Variants in HERC1 observed in about 807,000 individuals in gnomAD.
The protein encoded by HERC1 is probable E3 ubiquitin-protein ligase HERC1.
HERC1 carries 160 observed loss-of-function variants against 554.3 expected under a neutral mutation model. The observed-to-expected ratio is 0.29, with a 90% CI of 0.25 to 0.33. The LOEUF is 0.33. Among genes scored for constraint, HERC1 ranks in the 10% least tolerant of loss-of-function variants. HERC1 has a pLI of 1.00. For synonymous variants in HERC1, 2,175 were observed against 2,131.7 expected (o/e 1.02, Z -0.56); for missense variants, 4,919 against 5,918.5 (o/e 0.83, Z 5.54).
chr15:63,620,818 C>A (rs2068043619), intron 74 of HERC1, among the ~76,000 whole-genome samples: 1 of 152,118 alleles, frequency 6.6e-6, no homozygotes, highest in Non-Finnish European at 1.5e-5. Context: ...ATTGCAACCC[C>A]TGCCTTTTTT....
chr15:63,808,566 G>A (rs757705061), intron 1 of HERC1, among the ~76,000 whole-genome samples: 3 of 152,164 alleles, frequency 2.0e-5, no homozygotes, highest in African/African-American at 4.8e-5. Context: ...AATTACAGGC[G>A]TGAGCCACTG....
At chr15:63,790,126 C>T (rs1005439211) in intron 1 of HERC1, among the ~76,000 whole-genome samples, 4 of 152,138 alleles carry the variant, frequency 2.6e-5, no homozygotes, top group Non-Finnish European at 5.9e-5. Flanking sequence ...TCTATCATTG[C>T]CATGAGGGCT....
At chr15:63,690,111 T>C (rs1365187074) in intron 32 of HERC1, among the ~76,000 whole-genome samples, 3 of 143,580 alleles carry the variant, frequency 2.1e-5, no homozygotes, top group Admixed American at 7.4e-5. Flanking sequence ...TGCAGTGAGC[T>C]GAGATCGCGC....
In HERC1 at chr15:63,733,074, A is replaced by G; in HGVS notation, c.2718T>C (p.Ser906=). The change falls in exon 14 of 78, where the codon AGT becomes AGC. Residue 906 remains serine, a synonymous_variant. Transcript: ENST00000443617. Reference sequence around the variant, plus strand: ...ATAGGTCAGCAGCATCAGAGGGTGAACTATAGCCAAGTAGGGAGGCTACGT... The same window carrying G: ...ATAGGTCAGCAGCATCAGAGGGTGAGCTATAGCCAAGTAGGGAGGCTACGT... ...HTHVASLLGY[S]SPSDAADLSS... The G allele has an allele frequency of 6.2e-7, 1 of 1,613,938 alleles. No homozygotes were observed. Among genetic ancestry groups the G allele is most frequent in the South Asian group, 1.1e-5 (1 of 91,086 alleles).
chr15:63,822,048 G>A (rs149645302), intron 1 of HERC1, among the ~76,000 whole-genome samples: 1 of 152,048 alleles, frequency 6.6e-6, no homozygotes, highest in African/African-American at 2.4e-5. Flanking sequence ...CAGGGGTGAA[G>A]TCTGAGGCAC....
chr15:63,614,928 T>C (rs981864671), intron 76 of HERC1, among the ~76,000 whole-genome samples: 7 of 152,210 alleles, frequency 4.6e-5, no homozygotes, highest in Admixed American at 2.0e-4. Flanking sequence ...GTGATATATC[T>C]TGAGGAACTT....
Position 63,628,673 on chromosome 15 carries a change from T to C in HERC1, c.13105+4A>G. 6.2e-7 allele frequency: 1 copy of C among 1,605,730 alleles called. No individual in the cohort carries two copies. The highest frequency in any genetic ancestry group is 2.2e-5 in the East Asian group (1 of 44,784). On this transcript the variant is annotated splice_donor_region_variant and intron_variant, in intron 70 of 77. Coordinates refer to ENST00000443617, the MANE Select transcript of HERC1 (RefSeq NM_003922.4). Reference sequence around the variant, plus strand: ...TGCAGGAGCATGAATATTTCATTCCTCACCTGGTGCTCTTGGTGGGACAGG... The same window carrying C: ...TGCAGGAGCATGAATATTTCATTCCCCACCTGGTGCTCTTGGTGGGACAGG...
chr15:63,665,894 A>T, intron 42 of HERC1, 25 bp downstream of exon 42: 1 of 1,568,912 alleles, frequency 6.4e-7, no homozygotes. Flanking sequence ...CACATGGAAC[A>T]AAAGTACAGA....
intron 1 of HERC1, among the ~76,000 whole-genome samples, chr15:63,818,133 GCT>G (rs1045583536): frequency 9.9e-5 from 15 of 151,756 alleles, no homozygotes; most frequent in Non-Finnish European, 2.2e-4. Context: ...CCAATTTATA[GCT>G]CTCTGTGAAA....
Position 63,787,067 on chromosome 15 carries a change from C to T in HERC1, c.-26-11418G>A, listed in dbSNP as rs541224085. Among the ~76,000 whole-genome samples the T allele has an allele frequency of 2.0e-5, 3 of 152,058 alleles. No individual in the cohort carries two copies. The East Asian group carries it at 5.8e-4, about 29-fold the overall frequency. ...ATGTTGGCCAGGCTGGTCTTGAAGT[C>T]CTGACCTCAAGTGATCTGCCTGCCT... On this transcript the variant is annotated intron_variant, in intron 1 of 77. Coordinates refer to ENST00000443617, the MANE Select transcript of HERC1 (RefSeq NM_003922.4).
At position 63,640,398 on chromosome 15, in the gene HERC1, T is replaced by C. The variant is rs369318344; in HGVS notation, c.11655A>G (p.Gln3885=). 1.1e-5 allele frequency: 18 copies of C among 1,613,728 alleles called. No homozygotes were observed. The African/African-American group carries it at 2.0e-4, about 18-fold the overall frequency. ...GDQLVHSPYM[Q]CLASLAVGLH... Reference sequence around the variant, plus strand: ...GTCCCACAGCAAGGGAAGCCAAGCATTGCATATAGGGGCTATGAACAAGTT... The same window carrying C: ...GTCCCACAGCAAGGGAAGCCAAGCACTGCATATAGGGGCTATGAACAAGTT... The change falls in exon 61 of 78, where the codon CAA becomes CAG. Residue 3885 remains glutamine (Q), a synonymous_variant. Transcript: ENST00000443617.
intron 24 of HERC1, among the ~76,000 whole-genome samples, chr15:63,708,016 T>C (rs925950776): frequency 1.3e-5 from 2 of 151,026 alleles, no homozygotes; most frequent in Non-Finnish European, 2.9e-5. Context: ...TGGTCATATA[T>C]ATAGATACAT....
intron 25 of HERC1, among the ~76,000 whole-genome samples, chr15:63,701,203 G>A (rs1174887638): frequency 6.6e-6 from 1 of 151,928 alleles, no homozygotes; most frequent in African/African-American, 2.4e-5. Flanking sequence ...AGGAAACAGA[G>A]GCACAAAAAA....
At chr15:63,634,419 A>G (rs1228405830) in intron 66 of HERC1, among the ~76,000 whole-genome samples, 1 of 152,230 alleles carries the variant, frequency 6.6e-6, no homozygotes, top group African/African-American at 2.4e-5. Flanking sequence ...GATACCAGAC[A>G]GGAGCTACTA....
chr15:63,608,832 A>G lies in HERC1; in HGVS notation c.*249T>C. 1 of 353,686 alleles carries G rather than the reference A, an allele frequency of 2.8e-6. No individual in the cohort carries two copies. Among genetic ancestry groups the G allele is most frequent in the East Asian group, 5.4e-5 (1 of 18,468 alleles). 21.9% of individuals were successfully genotyped at this position (353,686 alleles called of 1,614,324 possible). On this transcript the variant is annotated 3_prime_UTR_variant, in exon 78 of 78. Coordinates refer to ENST00000443617, the MANE Select transcript of HERC1 (RefSeq NM_003922.4). ...AAAATGGTTTCATGCAAACTTATCAAAAGTGACCAAAAATATGGAGGGAAA... is the reference window on the plus strand; with the variant it reads ...AAAATGGTTTCATGCAAACTTATCAGAAGTGACCAAAAATATGGAGGGAAA...
chr15:63,609,649 G>A (rs2067503642), intron 77 of HERC1, among the ~76,000 whole-genome samples: 2 of 152,068 alleles, frequency 1.3e-5, no homozygotes, highest in South Asian at 2.1e-4. Context: ...CCAGCTGCAG[G>A]GATGCCCCCA....
intron 1 of HERC1, among the ~76,000 whole-genome samples, chr15:63,815,050 A>G (rs964154744): frequency 2.6e-5 from 4 of 152,220 alleles, no homozygotes; most frequent in African/African-American, 9.7e-5. Flanking sequence ...CTCTTAACTC[A>G]GCCTTCTACC....
chr15:63,769,831 G>A (rs2075895306), intron 2 of HERC1, among the ~76,000 whole-genome samples: 1 of 152,100 alleles, frequency 6.6e-6, no homozygotes, highest in Admixed American at 6.6e-5. Context: ...ACTCCAGCCT[G>A]GGCATCAGAG....
intron 48 of HERC1, among the ~76,000 whole-genome samples, chr15:63,656,953 C>T (rs1292353344): frequency 2.6e-5 from 4 of 151,656 alleles, no homozygotes; most frequent in East Asian, 1.9e-4. Context: ...GACAATCAGG[C>T]GGTTTCCAAC....
Sources: allele counts gnomAD v4.1 joint callset (sites outside exome capture counted in the v4.1 genomes callset), GRCh38; gene constraint gnomAD v4.1.1; transcripts MANE v1.5; gene names NCBI Gene and HGNC (gene_info 2026-07-23, HGNC 2026-07-21).